Variants in XYLT1 observed in about 807,000 individuals in gnomAD.
XYLT1 encodes beta-D-xylosyltransferase 1.
A neutral mutation model predicts 91.3 loss-of-function variants in XYLT1; 36 were observed. That is an observed-to-expected ratio of 0.39 (90% CI 0.30 to 0.52). The LOEUF (loss-of-function observed/expected upper bound fraction) is 0.52, where lower values mean the gene tolerates loss of function less well. Among genes scored for constraint, XYLT1 ranks in the 20% least tolerant of loss-of-function variants. The probability of loss-of-function intolerance (pLI) is 0.68; values close to 1 mark genes in which losing one functional copy is unlikely to be tolerated. For synonymous variants in XYLT1, 588 were observed against 532.0 expected (o/e 1.11, Z -1.45); for missense variants, 1,242 against 1,284.5 (o/e 0.97, Z 0.51).
rs1369535809 is a variant in XYLT1, at chr16:17,106,746, G to A, written c.*1949C>T. 1 of 152,148 alleles carries A rather than the reference G, an allele frequency of 6.6e-6. No homozygotes were observed. Among genetic ancestry groups the A allele is most frequent in the Non-Finnish European group, 1.5e-5 (1 of 68,064 alleles). 9.4% of individuals were successfully genotyped at this position (152,148 alleles called of 1,614,324 possible). The stretch of plus-strand genomic sequence containing the variant: ...CTGTGACGGGGGGTGAGTAGGGGGA[G>A]GATGGGAGGCTCAGGAATTCCAATA... On this transcript the variant is annotated 3_prime_UTR_variant, in exon 12 of 12. Coordinates refer to ENST00000261381, the MANE Select transcript of XYLT1 (RefSeq NM_022166.4).
intron 2 of XYLT1, among the ~76,000 whole-genome samples, chr16:17,351,774 T>G (rs2035224383): frequency 6.7e-6 from 1 of 149,714 alleles, no homozygotes; most frequent in African/African-American, 2.5e-5. Context: ...TCCTGTGCAT[T>G]ATGGGATGTT....
intron 6 of XYLT1, among the ~76,000 whole-genome samples, chr16:17,155,217 G>A (rs529887725): frequency 1.3e-5 from 2 of 152,330 alleles, no homozygotes; most frequent in South Asian, 4.1e-4. Flanking sequence ...AGTGCTGTGA[G>A]TTTGAGCAAG....
chr16:17,351,413 T>TGAGGGAGGA (rs1156845616), intron 2 of XYLT1, among the ~76,000 whole-genome samples: 1 of 152,158 alleles, frequency 6.6e-6, no homozygotes, highest in Non-Finnish European at 1.5e-5. Flanking sequence ...CTCAGGAGAC[T>TGAGGGAGGA]GAGGCAGGAG....
intron 5 of XYLT1, among the ~76,000 whole-genome samples, chr16:17,194,837 T>C (rs1159115387): frequency 6.6e-6 from 1 of 152,188 alleles, no homozygotes; most frequent in African/African-American, 2.4e-5. Context: ...GTTGTAAGGG[T>C]TGAAACAAGT....
intron 5 of XYLT1, among the ~76,000 whole-genome samples, chr16:17,177,865 T>C (rs1000132824): frequency 6.6e-6 from 1 of 152,166 alleles, no homozygotes; most frequent in Admixed American, 6.5e-5. Flanking sequence ...CATTAAGGCA[T>C]TAGTCAGCAA....
chr16:17,413,125 G>A (rs1425494392), intron 1 of XYLT1, among the ~76,000 whole-genome samples: 1 of 152,206 alleles, frequency 6.6e-6, no homozygotes, highest in East Asian at 1.9e-4. Flanking sequence ...CACGCAGTAG[G>A]CAGTCAGTGA....
chr16:17,239,360 A>C (rs2033303480), intron 3 of XYLT1, among the ~76,000 whole-genome samples: 1 of 145,148 alleles, frequency 6.9e-6, no homozygotes. Context: ...CACCCAGTCC[A>C]TCTATCCATC....
chr16:17,463,683 C>G (rs2036850612), intron 1 of XYLT1, among the ~76,000 whole-genome samples: 1 of 152,236 alleles, frequency 6.6e-6, no homozygotes, highest in Non-Finnish European at 1.5e-5. Context: ...AAGCTAAAAA[C>G]AGAACTACCA....
chr16:17,153,528 C>A (rs1455773472), intron 6 of XYLT1, among the ~76,000 whole-genome samples: 1 of 152,222 alleles, frequency 6.6e-6, no homozygotes, highest in Non-Finnish European at 1.5e-5. Flanking sequence ...GATCCTCCTA[C>A]ATCAGCCTCC....
chr16:17,338,043 T>C (rs777352849), intron 2 of XYLT1: 37 of 383,192 alleles, frequency 9.7e-5, no homozygotes, highest in Non-Finnish European at 1.7e-4. Context: ...GCTGGGATTA[T>C]AGGCGTGAGC....
chr16:17,356,483 A>C (rs571267491), intron 2 of XYLT1, among the ~76,000 whole-genome samples: 5 of 152,226 alleles, frequency 3.3e-5, no homozygotes, highest in Non-Finnish European at 7.4e-5. Context: ...AGGACAGAAA[A>C]GCACAAGGAA....
chr16:17,442,930 A>G (rs577004554), intron 1 of XYLT1, among the ~76,000 whole-genome samples: 2 of 152,120 alleles, frequency 1.3e-5, no homozygotes, highest in Admixed American at 6.5e-5. Context: ...TTCTCGGTGA[A>G]CGTGTGTTAC....
At chr16:17,209,556 G>A (rs2032720954) in intron 3 of XYLT1, among the ~76,000 whole-genome samples, 2 of 152,144 alleles carry the variant, frequency 1.3e-5, no homozygotes, top group Admixed American at 1.3e-4. Context: ...TATTTGTAAT[G>A]TTTTATTTTT....
At chr16:17,368,712 G>A (rs2035487056) in intron 1 of XYLT1, among the ~76,000 whole-genome samples, 1 of 151,904 alleles carries the variant, frequency 6.6e-6, no homozygotes, top group South Asian at 2.1e-4. Flanking sequence ...ACCCTCCCAA[G>A]TAGCTGGGAC....
intron 2 of XYLT1, among the ~76,000 whole-genome samples, chr16:17,281,072 A>T (rs1190126529): frequency 2.0e-5 from 3 of 152,124 alleles, no homozygotes; most frequent in African/African-American, 7.2e-5. Flanking sequence ...AAGCAACTGG[A>T]TTTGGCCCCT....
chr16:17,254,451 A>G (rs754262104), intron 3 of XYLT1, among the ~76,000 whole-genome samples: 19 of 152,006 alleles, frequency 1.2e-4, no homozygotes, highest in Admixed American at 3.9e-4. Context: ...CTGGAGTGCA[A>G]TGGCACAATC....
At chr16:17,282,602 G>A (rs1259570806) in intron 2 of XYLT1, among the ~76,000 whole-genome samples, 1 of 152,232 alleles carries the variant, frequency 6.6e-6, no homozygotes, top group Non-Finnish European at 1.5e-5. Context: ...GCCATTAATT[G>A]ATGCACTGGG....
intron 1 of XYLT1, among the ~76,000 whole-genome samples, chr16:17,438,143 T>A (rs1222511487): frequency 6.6e-6 from 1 of 152,064 alleles, no homozygotes; most frequent in African/African-American, 2.4e-5. Flanking sequence ...AGGGAGAATA[T>A]TTAAAAAGGT....
chr16:17,363,280 C>T (rs1046161805), intron 1 of XYLT1, among the ~76,000 whole-genome samples: 1 of 152,190 alleles, frequency 6.6e-6, no homozygotes, highest in Non-Finnish European at 1.5e-5. Context: ...GTTTAGGGGT[C>T]GCCCCAGAGT....
Sources: gnomAD v4.1 joint callset for allele counts (sites outside exome capture counted in the v4.1 genomes callset) on GRCh38, gnomAD v4.1.1 for gene constraint, MANE v1.5 for transcripts, NCBI Gene and HGNC (gene_info 2026-07-23, HGNC 2026-07-21) for gene names.